CTDSPL: variants seen among roughly 807,000 people sequenced by gnomAD.
CTDSPL encodes the protein CTD small phosphatase like, also known as CTD small phosphatase-like protein.
CTDSPL carries 8 observed loss-of-function variants against 30.5 expected under a neutral mutation model. The observed-to-expected ratio is 0.26, with a 90% CI of 0.15 to 0.47. The LOEUF (loss-of-function observed/expected upper bound fraction) is 0.47, where lower values mean the gene tolerates loss of function less well. CTDSPL is among the 20% of genes least tolerant of loss of function. CTDSPL has a pLI of 0.99. For synonymous variants in CTDSPL, 110 were observed against 137.9 expected (o/e 0.80, Z 1.42); for missense variants, 248 against 366.1 (o/e 0.68, Z 2.63).
intron 1 of CTDSPL, among the ~76,000 whole-genome samples, chr3:37,864,728 ATACATTTTTACATAATTT>A (rs895342919): frequency 3.3e-5 from 5 of 151,976 alleles, no homozygotes; most frequent in African/African-American, 1.2e-4. Context: ...ATTATGTAAA[ATACATTTTTACATAATTT>A]TACATTATGT....
intron 3 of CTDSPL, among the ~76,000 whole-genome samples, chr3:37,958,927 T>A (rs1024361631): frequency 8.5e-5 from 13 of 152,220 alleles, no homozygotes; most frequent in African/African-American, 3.1e-4. Context: ...AGCTCTGGAA[T>A]CAAGTCTTGG....
intron 1 of CTDSPL, among the ~76,000 whole-genome samples, chr3:37,937,942 C>T (rs573262735): frequency 2.0e-5 from 3 of 150,572 alleles, no homozygotes; most frequent in African/African-American, 7.2e-5. Flanking sequence ...CTTCAGGGAT[C>T]CGGCCCCTGT....
chr3:37,877,173 A>G (rs2125590702), intron 1 of CTDSPL, among the ~76,000 whole-genome samples: 1 of 152,262 alleles, frequency 6.6e-6, no homozygotes, highest in South Asian at 2.1e-4. Context: ...TATTAAGTAC[A>G]TTCATATTGC....
At chr3:37,909,483 G>A (rs907471150) in intron 1 of CTDSPL, among the ~76,000 whole-genome samples, 5 of 152,212 alleles carry the variant, frequency 3.3e-5, no homozygotes, top group Admixed American at 6.5e-5. Flanking sequence ...GCACTGCCCT[G>A]GAGCTGGTCA....
intron 7 of CTDSPL, among the ~76,000 whole-genome samples, chr3:37,979,040 TA>T (rs1305037863): frequency 1.3e-5 from 2 of 152,204 alleles, no homozygotes; most frequent in African/African-American, 2.4e-5. Flanking sequence ...CATAATTATA[TA>T]ATTGATCTGT....
chr3:37,963,150 G>C (rs1370461293), intron 3 of CTDSPL, among the ~76,000 whole-genome samples: 2 of 152,216 alleles, frequency 1.3e-5, no homozygotes, highest in Admixed American at 6.5e-5. Context: ...ATTGCTTCCA[G>C]CTGAAAGAGA....
chr3:37,957,954 T>C (rs1699193447), intron 3 of CTDSPL, among the ~76,000 whole-genome samples: 1 of 152,248 alleles, frequency 6.6e-6, no homozygotes, highest in Non-Finnish European at 1.5e-5. Context: ...AATAGTCTTA[T>C]GTCCTTAGAG....
Position 37,937,170 on chromosome 3 carries a change from T to C in CTDSPL, c.80-9887T>C, listed in dbSNP as rs7624188. Reference sequence around the variant, plus strand: ...AAGGAGTAGGATGGGAGTCAGTGGATAGAAAACTGCTAAGAAGAAACATCA... The same window carrying C: ...AAGGAGTAGGATGGGAGTCAGTGGACAGAAAACTGCTAAGAAGAAACATCA... On this transcript the variant is annotated intron_variant, in intron 1 of 7. Coordinates refer to ENST00000273179, the MANE Select transcript of CTDSPL (RefSeq NM_001008392.2). Among the ~76,000 whole-genome samples, 27 of 150,264 alleles carry C rather than the reference T, an allele frequency of 1.8e-4. 1 individual carries two copies. Among genetic ancestry groups the C allele is most frequent in the Non-Finnish European group, 2.7e-4 (18 of 67,044 alleles).
intron 1 of CTDSPL, among the ~76,000 whole-genome samples, chr3:37,920,174 A>G (rs1698697120): frequency 2.0e-5 from 3 of 152,178 alleles, no homozygotes. Flanking sequence ...AACAATTGCT[A>G]GATGAAGGCA....
At chr3:37,895,633 GCTTA>G (rs1335347191) in intron 1 of CTDSPL, among the ~76,000 whole-genome samples, 6 of 152,146 alleles carry the variant, frequency 3.9e-5, no homozygotes, top group Non-Finnish European at 8.8e-5. Context: ...TCTGAAATCT[GCTTA>G]CTGTCTATCT....
intron 1 of CTDSPL, among the ~76,000 whole-genome samples, chr3:37,912,078 A>G (rs1409898310): frequency 6.6e-6 from 1 of 151,878 alleles, no homozygotes; most frequent in African/African-American, 2.4e-5. Context: ...CATTAGGAAA[A>G]CCTCTTCAGT....
chr3:37,923,651 C>T (rs952886943), intron 1 of CTDSPL, among the ~76,000 whole-genome samples: 9 of 152,040 alleles, frequency 5.9e-5, no homozygotes, highest in East Asian at 1.9e-4. Flanking sequence ...CTTATAAAGC[C>T]GTATACTGTT....
chr3:37,980,237 A>C (rs1699474521), intron 7 of CTDSPL, among the ~76,000 whole-genome samples: 1 of 152,154 alleles, frequency 6.6e-6, no homozygotes, highest in Non-Finnish European at 1.5e-5. Context: ...CTTTTAACTG[A>C]TCACTGTTAA....
intron 2 of CTDSPL, 131 bp from the exon 3 acceptor site, chr3:37,956,980 A>G (rs1013780951): frequency 2.5e-5 from 20 of 792,844 alleles, no homozygotes; most frequent in South Asian, 1.4e-4. Context: ...CCTCCTGTTG[A>G]TTAAACACCA....
intron 2 of CTDSPL, among the ~76,000 whole-genome samples, chr3:37,951,920 A>G (rs373283473): frequency 5.8e-4 from 89 of 152,362 alleles, no homozygotes; most frequent in African/African-American, 2.1e-3. Flanking sequence ...GATTCTTCCA[A>G]CAAAGACCAA....
rs959079275 is a variant in CTDSPL, at chr3:37,940,047, G to A, written c.80-7010G>A. Among the ~76,000 whole-genome samples the A allele has an allele frequency of 9.4e-5, 14 of 149,670 alleles. 1 individual carries two copies. Among genetic ancestry groups the A allele is most frequent in the African/African-American group, 2.4e-4 (10 of 41,222 alleles). On this transcript the variant is annotated intron_variant, in intron 1 of 7. Coordinates refer to ENST00000273179, the MANE Select transcript of CTDSPL (RefSeq NM_001008392.2). The stretch of plus-strand genomic sequence containing the variant: ...GCAGAGGTTGCAGTGTGCCGAGATC[G>A]CACCACTGTACTCTAGCCTGGGTGA...
intron 4 of CTDSPL, 75 bp from the exon 5 acceptor site, chr3:37,967,751 G>T: frequency 9.3e-7 from 1 of 1,074,364 alleles, no homozygotes; most frequent in Non-Finnish European, 1.4e-6. Flanking sequence ...GTCTAGGCAG[G>T]CTTTTTTCTT....
chr3:37,977,978 G>A (rs112742154), intron 7 of CTDSPL, among the ~76,000 whole-genome samples: 48 of 152,290 alleles, frequency 3.2e-4, no homozygotes, highest in African/African-American at 1.1e-3. Context: ...AAAATGTCAG[G>A]TTAGCCCACT....
intron 1 of CTDSPL, among the ~76,000 whole-genome samples, chr3:37,930,005 G>T (rs1026680601): frequency 6.6e-6 from 1 of 151,982 alleles, no homozygotes; most frequent in Non-Finnish European, 1.5e-5. Flanking sequence ...TATTCAGGAG[G>T]CTGAGGCAGG....
Sources: allele counts gnomAD v4.1 joint callset (sites outside exome capture counted in the v4.1 genomes callset), GRCh38; gene constraint gnomAD v4.1.1; transcripts MANE v1.5; gene names NCBI Gene and HGNC (gene_info 2026-07-23, HGNC 2026-07-21).